The following PRKN variants were observed in gnomAD, a reference collection of about 807,000 sequenced individuals.
PRKN encodes E3 ubiquitin-protein ligase parkin.
Under a neutral mutation model 59.5 loss-of-function variants are expected in PRKN, and 56 were observed. The ratio of observed to expected loss-of-function variants is 0.94; its 90% CI spans 0.76 to 1.18. PRKN has a LOEUF of 1.18. Among genes scored for constraint, PRKN ranks in the 50% most tolerant of loss-of-function variants. The pLI, the probability that PRKN is intolerant of heterozygous loss-of-function variation, is 0.00. For missense variants in PRKN, 657 were observed against 596.4 expected (o/e 1.10, Z -1.06); for synonymous variants, 250 against 222.1 (o/e 1.13, Z -1.12).
chr6:161,846,635 C>G (rs969968349), intron 6 of PRKN, among the ~76,000 whole-genome samples: 2 of 117,082 alleles, frequency 1.7e-5, no homozygotes, highest in Non-Finnish European at 3.2e-5. Context: ...GACAATACTG[C>G]TTCTTTACAA....
At chr6:162,630,284 C>A (rs1275720989) in intron 1 of PRKN, among the ~76,000 whole-genome samples, 1 of 152,098 alleles carries the variant, frequency 6.6e-6, no homozygotes, top group Admixed American at 6.6e-5. Context: ...TACTGTCCTG[C>A]CAAGCTAACA....
At chr6:161,928,392 C>T (rs956288936) in intron 6 of PRKN, among the ~76,000 whole-genome samples, 1 of 152,128 alleles carries the variant, frequency 6.6e-6, no homozygotes, top group Non-Finnish European at 1.5e-5. Context: ...ACAAATCATA[C>T]TCGATCAGGT....
intron 5 of PRKN, among the ~76,000 whole-genome samples, chr6:162,026,377 C>A (rs185832020): frequency 2.6e-4 from 40 of 152,316 alleles, no homozygotes; most frequent in Non-Finnish European, 4.6e-4. Flanking sequence ...TCCAGCTCTA[C>A]GTCAACTCTC....
At chr6:162,033,578 G>T (rs1469053112) in intron 5 of PRKN, among the ~76,000 whole-genome samples, 2 of 152,074 alleles carry the variant, frequency 1.3e-5, no homozygotes, top group African/African-American at 4.8e-5. Context: ...CATTTCGTAG[G>T]GGAATTTGGT....
intron 7 of PRKN, among the ~76,000 whole-genome samples, chr6:161,689,140 A>C (rs1785674837): frequency 6.6e-6 from 1 of 151,104 alleles, no homozygotes; most frequent in Non-Finnish European, 1.5e-5. Context: ...TGTGTGTTCA[A>C]GTTTTGCCTT....
At chr6:161,717,309 C>T (rs1787026259) in intron 7 of PRKN, among the ~76,000 whole-genome samples, 1 of 152,184 alleles carries the variant, frequency 6.6e-6, no homozygotes, top group African/African-American at 2.4e-5. Flanking sequence ...AATCCCCCTT[C>T]ACCTCCCAAA....
intron 1 of PRKN, among the ~76,000 whole-genome samples, chr6:162,566,787 G>A (rs931591020): frequency 1.3e-5 from 2 of 152,006 alleles, no homozygotes; most frequent in Non-Finnish European, 2.9e-5. Flanking sequence ...TGTTCTACAA[G>A]GCCAGTATTA....
intron 5 of PRKN, among the ~76,000 whole-genome samples, chr6:161,985,878 G>A (rs1781417572): frequency 6.6e-6 from 1 of 152,102 alleles, no homozygotes. Flanking sequence ...GAGCTCAGCA[G>A]GATCTGTCTT....
intron 2 of PRKN, chr6:162,270,735 T>C (rs1255259707): frequency 6.6e-6 from 1 of 152,196 alleles, no homozygotes; most frequent in Non-Finnish European, 1.5e-5. Flanking sequence ...CTTAAATAAC[T>C]TTGAAGACAC....
At chr6:161,896,056 C>G (rs1446802992) in intron 6 of PRKN, among the ~76,000 whole-genome samples, 4 of 152,070 alleles carry the variant, frequency 2.6e-5, no homozygotes, top group Non-Finnish European at 5.9e-5. Context: ...GGAGGAGAGA[C>G]TAAAGTGCGG....
chr6:162,505,358 A>G (rs1793564329), intron 1 of PRKN, among the ~76,000 whole-genome samples: 1 of 152,206 alleles, frequency 6.6e-6, no homozygotes, highest in Admixed American at 6.5e-5. Flanking sequence ...GCATGCCCCT[A>G]TTAAAATAAG....
intron 9 of PRKN, among the ~76,000 whole-genome samples, chr6:161,416,757 T>C (rs13202365): frequency 0.14 from 21,394 of 152,124 alleles, 1,752 homozygotes; most frequent in African/African-American, 0.22. Flanking sequence ...TAAGACAAAG[T>C]GCTTCAAGGC....
intron 6 of PRKN, among the ~76,000 whole-genome samples, chr6:161,810,013 A>G (rs145690902): frequency 5.5e-4 from 84 of 152,338 alleles, no homozygotes; most frequent in African/African-American, 2.0e-3. Flanking sequence ...CATACATAGT[A>G]TTACAGGTTG....
intron 5 of PRKN, among the ~76,000 whole-genome samples, chr6:161,985,722 G>A (rs1781409779): frequency 6.6e-6 from 1 of 152,184 alleles, no homozygotes; most frequent in South Asian, 2.1e-4. Context: ...CAAGCACACT[G>A]GCCGAGCAAG....
intron 1 of PRKN, among the ~76,000 whole-genome samples, chr6:162,648,965 A>G (rs900561342): frequency 6.6e-6 from 1 of 152,096 alleles, no homozygotes; most frequent in Non-Finnish European, 1.5e-5. Context: ...ATGAGCAAAA[A>G]CCACGTTTCT....
intron 2 of PRKN, among the ~76,000 whole-genome samples, chr6:162,404,181 C>A (rs1412325210): frequency 6.6e-6 from 1 of 151,790 alleles, no homozygotes; most frequent in Non-Finnish European, 1.5e-5. Context: ...ACCAGCCTGA[C>A]CAACCTGGTG....
At position 161,462,858 on chromosome 6, in the gene PRKN, T is replaced by G. The variant is rs1025565045; in HGVS notation, c.1084-75981A>C. Among the ~76,000 whole-genome samples, 4 of 152,310 alleles carry G rather than the reference T, an allele frequency of 2.6e-5. No homozygotes were observed. Among genetic ancestry groups the G allele is most frequent in the African/African-American group, 9.6e-5 (4 of 41,566 alleles). ...TTGTTCTAAACTGGCTTAATAGGTC[T>G]GAGGCCAATAATATTTTCTATTTCC... On this transcript the variant is annotated intron_variant, in intron 9 of 11. Transcript: ENST00000366898. This position sits in a 1 kb window ranked among gnomAD's most constrained non-coding sequence, Gnocchi z 4.5.
rs1404288490 is a variant in PRKN at position 161,550,603 on chromosome 6, A to C, written c.934-1600T>G. On this transcript the variant is annotated intron_variant, in intron 8 of 11. Coordinates refer to ENST00000366898, the MANE Select transcript of PRKN (RefSeq NM_004562.3). The surrounding 1 kb of genome is among the most constrained non-coding windows in gnomAD (Gnocchi z 4.0). Reference sequence around the variant, plus strand: ...GGGAGAAGTTGCAGAATTTTCAGTCAGGTTGGATGCCTGGTGTGAGAGGAA... The same window carrying C: ...GGGAGAAGTTGCAGAATTTTCAGTCCGGTTGGATGCCTGGTGTGAGAGGAA... Among the ~76,000 whole-genome samples, 1 of 152,136 alleles carries C rather than the reference A, an allele frequency of 6.6e-6. No individual in the cohort carries two copies.
rs1789271709 is a variant in PRKN, at chr6:161,442,269, A to T, written c.1084-55392T>A. Among the ~76,000 whole-genome samples the T allele has an allele frequency of 6.6e-6, 1 of 152,234 alleles. No individual in the cohort carries two copies. Among genetic ancestry groups the T allele is most frequent in the African/African-American group, 2.4e-5 (1 of 41,462 alleles). On this transcript the variant is annotated intron_variant, in intron 9 of 11. Transcript: ENST00000366898. This position sits in a 1 kb window ranked among gnomAD's most constrained non-coding sequence, Gnocchi z 4.6. ...ATTTCTCCACTTCAAAAGTCAGTACAGAGCCATTGAAGGGGCTTTCCACCT... is the reference window on the plus strand; with the variant it reads ...ATTTCTCCACTTCAAAAGTCAGTACTGAGCCATTGAAGGGGCTTTCCACCT...
Sources: gnomAD v4.1 joint callset for allele counts (sites outside exome capture counted in the v4.1 genomes callset) on GRCh38, gnomAD v4.1.1 for gene constraint, Gnocchi (gnomAD v3.1) non-coding constraint, MANE v1.5 for transcripts, NCBI Gene and HGNC (gene_info 2026-07-23, HGNC 2026-07-21) for gene names.